FRMD4A: variants seen among roughly 807,000 people sequenced by gnomAD.
FRMD4A encodes the protein FERM domain-containing protein 4A.
In FRMD4A, 29 loss-of-function variants were observed where a neutral mutation model predicts 129.1. The ratio of observed to expected loss-of-function variants is 0.22; its 90% CI spans 0.17 to 0.31. FRMD4A has a LOEUF of 0.31. FRMD4A is among the 10% of genes least tolerant of loss of function. The pLI is 1.00. For missense variants in FRMD4A, 1,272 were observed against 1,375.8 expected, an observed-to-expected ratio of 0.92 and a Z score of 1.19; for synonymous variants, 634 against 571.6, an observed-to-expected ratio of 1.11 and a Z score of -1.56.
intron 2 of FRMD4A, among the ~76,000 whole-genome samples, chr10:14,223,866 C>G (rs1843347799): frequency 6.6e-6 from 1 of 152,030 alleles, no homozygotes; most frequent in African/African-American, 2.4e-5. Flanking sequence ...GGACTCCCCT[C>G]TGCAACCCAT....
In FRMD4A at chr10:14,250,633, T is replaced by A. The variant is rs57722327; in HGVS notation, c.45+79425A>T. Among the ~76,000 whole-genome samples the A allele has an allele frequency of 9.7e-3, 1,479 of 152,308 alleles. 30 individuals are homozygous for A. The highest frequency in any genetic ancestry group is 0.034 in the African/African-American group (1,397 of 41,568). Reference sequence around the variant, plus strand: ...CTGTGGGGCCAAAAATCAAGCAAGCTCTTCTAGAGAATTAGCTAGTTCTCT... The same window carrying A: ...CTGTGGGGCCAAAAATCAAGCAAGCACTTCTAGAGAATTAGCTAGTTCTCT... On this transcript the variant is annotated intron_variant, in intron 2 of 24. Transcript: ENST00000357447.
At chr10:14,325,647 G>A (rs985543140) in intron 2 of FRMD4A, among the ~76,000 whole-genome samples, 4 of 152,214 alleles carry the variant, frequency 2.6e-5, no homozygotes, top group African/African-American at 7.2e-5. Context: ...CAGTTCCTGC[G>A]TATCTCCAAC....
chr10:13,875,262 T>C (rs1033643811), intron 2 of FRMD4A, among the ~76,000 whole-genome samples: 1 of 152,182 alleles, frequency 6.6e-6, no homozygotes, highest in African/African-American at 2.4e-5. Context: ...AAATAGCCAC[T>C]GAGCACTGTT....
intron 2 of FRMD4A, among the ~76,000 whole-genome samples, chr10:14,205,354 G>A (rs947781432): frequency 6.6e-6 from 1 of 152,050 alleles, no homozygotes; most frequent in Non-Finnish European, 1.5e-5. Flanking sequence ...CTCGGCCATG[G>A]GAGGATTACA....
intron 8 of FRMD4A, among the ~76,000 whole-genome samples, chr10:13,758,231 T>C (rs2091938434): frequency 6.6e-6 from 1 of 152,242 alleles, no homozygotes; most frequent in South Asian, 2.1e-4. Context: ...TCAGGACCTT[T>C]CAGGCTATGA....
chr10:14,193,687 T>TA (rs11431301), intron 2 of FRMD4A, among the ~76,000 whole-genome samples: 46,813 of 143,202 alleles, frequency 0.33, 7,458 homozygotes, highest in East Asian at 0.39. Context: ...GTCTACAAAT[T>TA]AAAAAAAAAA....
intron 2 of FRMD4A, among the ~76,000 whole-genome samples, chr10:14,303,550 C>T (rs541282011): frequency 5.9e-5 from 9 of 152,292 alleles, no homozygotes; most frequent in Admixed American, 1.3e-4. Flanking sequence ...AAATCCATCA[C>T]GCCTTTCTCA....
intron 2 of FRMD4A, among the ~76,000 whole-genome samples, chr10:14,005,667 C>T (rs973294438): frequency 3.9e-5 from 6 of 152,182 alleles, no homozygotes; most frequent in Non-Finnish European, 1.5e-5. Flanking sequence ...GGCCAGGCTG[C>T]CATGCCATCG....
At chr10:13,961,613 A>G (rs2131360546) in intron 2 of FRMD4A, among the ~76,000 whole-genome samples, 1 of 152,252 alleles carries the variant, frequency 6.6e-6, no homozygotes, top group South Asian at 2.1e-4. Flanking sequence ...CAGCCTAGTT[A>G]ATTCCTACTT....
intron 2 of FRMD4A, among the ~76,000 whole-genome samples, chr10:14,127,999 T>TTCCTTC (rs1200358451): frequency 5.9e-5 from 6 of 101,122 alleles, no homozygotes; most frequent in African/African-American, 2.3e-4. Flanking sequence ...TCTCTCTCTC[T>TTCCTTC]CTTTCTTTCT....
chr10:14,227,602 C>T (rs1843489725), intron 2 of FRMD4A, among the ~76,000 whole-genome samples: 1 of 152,012 alleles, frequency 6.6e-6, no homozygotes, highest in South Asian at 2.1e-4. Context: ...GCTTGAGCGT[C>T]ACTTACACCA....
At chr10:13,718,737 A>C (rs2089121333) in intron 12 of FRMD4A, among the ~76,000 whole-genome samples, 1 of 152,150 alleles carries the variant, frequency 6.6e-6, no homozygotes, top group South Asian at 2.1e-4. Flanking sequence ...TGCCTTAAAC[A>C]ACTTTCTTTT....
intron 18 of FRMD4A, 138 bp from the exon 19 acceptor site, chr10:13,663,647 T>G: frequency 1.6e-6 from 1 of 630,948 alleles, no homozygotes; most frequent in East Asian, 2.8e-5. Context: ...ACAATAAAAA[T>G]GCTGTTGGGT....
rs114063170 is a variant in FRMD4A, at chr10:13,905,093, A to T, written c.46-46181T>A. ...GAAGGCAGCCTTCCTTAAAGTCTGGAACTGTGACCACTGTTTCTCATAAAT... is the reference window on the plus strand; with the variant it reads ...GAAGGCAGCCTTCCTTAAAGTCTGGTACTGTGACCACTGTTTCTCATAAAT... On this transcript the variant is annotated intron_variant, in intron 2 of 24. Transcript: ENST00000357447. Among the ~76,000 whole-genome samples the T allele has an allele frequency of 1.9e-3, 294 of 152,128 alleles. 1 individual carries two copies. The highest frequency in any genetic ancestry group is 7.0e-3 in the African/African-American group (290 of 41,518).
chr10:14,006,428 A>G (rs1467840103), intron 2 of FRMD4A, among the ~76,000 whole-genome samples: 1 of 152,208 alleles, frequency 6.6e-6, no homozygotes, highest in African/African-American at 2.4e-5. Flanking sequence ...CATATTGTCA[A>G]TTTTTCTTAA....
intron 2 of FRMD4A, among the ~76,000 whole-genome samples, chr10:13,865,313 T>A (rs1036441634): frequency 1.3e-5 from 2 of 152,298 alleles, no homozygotes; most frequent in South Asian, 2.1e-4. Context: ...TATTATCAGT[T>A]GTATGGTTTT....
intron 2 of FRMD4A, among the ~76,000 whole-genome samples, chr10:14,305,273 C>T (rs1231843373): frequency 6.6e-6 from 1 of 152,200 alleles, no homozygotes; most frequent in East Asian, 1.9e-4. Context: ...CCAAAATACA[C>T]GTGTGCCTAA....
intron 14 of FRMD4A, among the ~76,000 whole-genome samples, chr10:13,698,466 G>A (rs78103027): frequency 0.023 from 3,548 of 152,240 alleles, 66 homozygotes; most frequent in African/African-American, 0.052. Context: ...CAATCACATC[G>A]CTGTTCTATA....
At chr10:13,654,653 G>C (rs2081984553) in intron 22 of FRMD4A, 141 bp from the exon 23 acceptor site, 5 of 619,142 alleles carry the variant, frequency 8.1e-6, no homozygotes, top group Non-Finnish European at 5.8e-6. Context: ...CCCAGAGCAG[G>C]GTCTCAGCAT....
Sources: allele counts gnomAD v4.1 joint callset (sites outside exome capture counted in the v4.1 genomes callset), GRCh38; gene constraint gnomAD v4.1.1; transcripts MANE v1.5; gene names NCBI Gene and HGNC (gene_info 2026-07-23, HGNC 2026-07-21).